The following DPYSL4 variants were observed in gnomAD, a reference collection of about 807,000 sequenced individuals.
DPYSL4 encodes the protein dihydropyrimidinase like 4.
In DPYSL4, 43 loss-of-function variants were observed where a neutral mutation model predicts 63.4. That is an observed-to-expected ratio of 0.68 (90% CI 0.53 to 0.88). DPYSL4 has a LOEUF of 0.88. DPYSL4 is among the 40% of genes least tolerant of loss of function. The probability of loss-of-function intolerance (pLI) is 0.00; values close to 1 mark genes in which losing one functional copy is unlikely to be tolerated. For missense variants in DPYSL4, 733 were observed against 819.5 expected (o/e 0.89, Z 1.29); for synonymous variants, 353 against 331.7 (o/e 1.06, Z -0.70).
chr10:132,198,307 G>C (rs2061970362), intron 6 of DPYSL4, 108 bp from the exon 7 acceptor site: 4 of 1,050,450 alleles, frequency 3.8e-6, no homozygotes, highest in Non-Finnish European at 5.5e-6. Context: ...TGGGAGGCCT[G>C]GGGGTCCAGG....
intron 1 of DPYSL4, among the ~76,000 whole-genome samples, chr10:132,187,445 C>T (rs1262037034): frequency 5.3e-5 from 8 of 151,810 alleles, no homozygotes; most frequent in Non-Finnish European, 8.8e-5. Context: ...CGGGGCCGGG[C>T]GGCCTGTCCC....
Position 132,198,399 on chromosome 10 carries a change from C to T in DPYSL4, c.622-16C>T. The stretch of plus-strand genomic sequence containing the variant: ...CCTTCAGGGCTTGGAGCGAGGCATC[C>T]TGTTGGTTTCTTTAGGAGCAGAAGC... On this transcript the variant is annotated splice_polypyrimidine_tract_variant and intron_variant, in intron 6 of 13. Transcript: ENST00000338492. The T allele has an allele frequency of 6.2e-7, 1 of 1,601,488 alleles. No individual in the cohort carries two copies.
At chr10:132,200,590 G>A (rs1481948285) in intron 9 of DPYSL4, 78 bp downstream of exon 9, 6 of 1,558,890 alleles carry the variant, frequency 3.8e-6, no homozygotes, top group African/African-American at 1.4e-5. Flanking sequence ...GACACCCCAG[G>A]CCTCTCCCAC....
At chr10:132,191,075 G>A (rs1013887001) in intron 2 of DPYSL4, among the ~76,000 whole-genome samples, 4 of 136,690 alleles carry the variant, frequency 2.9e-5, no homozygotes, top group Non-Finnish European at 6.2e-5. Flanking sequence ...CCAGGCAGGT[G>A]CAAATAGTTC....
Position 132,202,657 on chromosome 10 carries a change from C to A in DPYSL4, c.1293C>A (p.Tyr431Ter), listed in dbSNP as rs1377828310. Reference sequence around the variant, plus strand: ...GCCTCTCTCCCCAGAACGTGGAGTACAACATCTTCGAGGGAGTGGAGTGCC... The same window carrying A: ...GCCTCTCTCCCCAGAACGTGGAGTAAAACATCTTCGAGGGAGTGGAGTGCC... ...SAKTHNLNVE[Y>*]NIFEGVECRG... Residue 431 changes from tyrosine to a stop codon, truncating the protein, a stop_gained, in exon 12 of 14, where the codon TAC becomes TAA. Transcript: ENST00000338492. LOFTEE classifies it high-confidence loss of function. The A allele has an allele frequency of 6.2e-7, 1 of 1,612,642 alleles. No individual in the cohort carries two copies. Among genetic ancestry groups the A allele is most frequent in the African/African-American group, 1.3e-5 (1 of 74,940 alleles).
chr10:132,200,354 A>AG lies in DPYSL4; in HGVS notation c.814dup, dbSNP rs1565044778. ...GCACCTCTCATGGGCCTCGTGCTGC[A>AG]GGGGTGGTCGTGTTTGGGGAGCCCA... On this transcript the variant is annotated splice_acceptor_variant, in intron 8 of 13. Transcript: ENST00000338492. LOFTEE classifies it high-confidence loss of function. 2 of 1,613,094 alleles carry AG rather than the reference A, an allele frequency of 1.2e-6. No homozygotes were observed. The highest frequency in any genetic ancestry group is 1.7e-6 in the Non-Finnish European group (2 of 1,179,820).
In DPYSL4 at chr10:132,201,876, G is replaced by A. The variant is rs998102290; in HGVS notation, c.1111-70G>A. On this transcript the variant is annotated intron_variant, in intron 10 of 13. Coordinates refer to ENST00000338492, the MANE Select transcript of DPYSL4 (RefSeq NM_006426.3). ...ATCCTTGTGGGGTCCTGGTGGCCCA[G>A]TGTCTGTCCTCGCGCAAGCCTCACC... 9.2e-6 allele frequency: 14 copies of A among 1,516,554 alleles called. No individual in the cohort carries two copies. In the African/African-American group the frequency reaches 1.9e-4, roughly 21 times the overall value. 93.9% of individuals were successfully genotyped at this position (1,516,554 alleles called of 1,614,324 possible).
At position 132,204,805 on chromosome 10, in the gene DPYSL4, C is replaced by T. The variant is rs768702852; in HGVS notation, c.1628-34C>T. ...AATAGAAGGGCCCCTGCCCCTGCCT[C>T]ATTCTCCCCTGCCCATCTGTGCCCT... On this transcript the variant is annotated intron_variant, in intron 13 of 13. Transcript: ENST00000338492. The T allele has an allele frequency of 7.0e-6, 11 of 1,569,938 alleles. No homozygotes were observed. The South Asian group carries it at 1.3e-4, about 18-fold the overall frequency.
At position 132,203,938 on chromosome 10, in the gene DPYSL4, C is replaced by A; in HGVS notation, c.1627+11C>A. 6.3e-7 allele frequency: 1 copy of A among 1,588,000 alleles called. No individual in the cohort carries two copies. Among genetic ancestry groups the A allele is most frequent in the Non-Finnish European group, 8.6e-7 (1 of 1,161,072 alleles). ...GGTTCAGCCTATCTGGTGAGTTGGG[C>A]CTGGGGCACCAGTGGGGGTGAGGGG... On this transcript the variant is annotated intron_variant, in intron 13 of 13. Transcript: ENST00000338492.
intron 7 of DPYSL4, 89 bp downstream of exon 7, chr10:132,198,572 C>T (rs1486379096): frequency 1.5e-6 from 2 of 1,346,024 alleles, no homozygotes; most frequent in Admixed American, 2.1e-5. Flanking sequence ...CCCTGGGCTC[C>T]TGGCCCTGCC....
At chr10:132,202,956 GC>G (rs1487439215) in intron 12 of DPYSL4, 131 bp downstream of exon 12, 6 of 1,127,890 alleles carry the variant, frequency 5.3e-6, no homozygotes, top group Non-Finnish European at 6.1e-6. Context: ...GCCGCTGCTT[GC>G]CCAGGGCCCT....
intron 1 of DPYSL4, among the ~76,000 whole-genome samples, chr10:132,187,921 G>C (rs2061827085): frequency 6.6e-6 from 1 of 152,208 alleles, no homozygotes; most frequent in African/African-American, 2.4e-5. Flanking sequence ...GGAGTCCATG[G>C]GGTCCCAGAC....
At chr10:132,198,705 A>C in intron 7 of DPYSL4, 146 bp from the exon 8 acceptor site, 1 of 1,302,290 alleles carries the variant, frequency 7.7e-7, no homozygotes, top group Non-Finnish European at 1.0e-6. Context: ...GGGCAGGCCC[A>C]GGCACTGAGC....
At chr10:132,187,394 T>C (rs562767476) in intron 1 of DPYSL4, among the ~76,000 whole-genome samples, 70 of 148,090 alleles carry the variant, frequency 4.7e-4, no homozygotes, top group Admixed American at 1.3e-3. Flanking sequence ...TTGCCCGGCC[T>C]TGCCGGCTTC....
chr10:132,201,794 G>A, intron 10 of DPYSL4, 152 bp from the exon 11 acceptor site: 1 of 831,060 alleles, frequency 1.2e-6, no homozygotes. Context: ...GTCCAACCTT[G>A]TGGGGGGCCT....
chr10:132,203,538 C>T (rs1565047467), intron 12 of DPYSL4: 2 of 555,016 alleles, frequency 3.6e-6, no homozygotes, highest in Non-Finnish European at 6.5e-6. Flanking sequence ...CGCAGGCGGG[C>T]ATTATACACG....
At chr10:132,197,766 G>A (rs572606757) in intron 6 of DPYSL4, among the ~76,000 whole-genome samples, 1 of 152,320 alleles carries the variant, frequency 6.6e-6, no homozygotes, top group South Asian at 2.1e-4. Context: ...CAGGAAGGTG[G>A]TGGCACTCGG....
At chr10:132,187,754 CA>C (rs1207025409) in intron 1 of DPYSL4, among the ~76,000 whole-genome samples, 4 of 152,248 alleles carry the variant, frequency 2.6e-5, no homozygotes, top group Non-Finnish European at 5.9e-5. Flanking sequence ...GGAACCCTGG[CA>C]GCCCCTGAAC....
At chr10:132,190,657 T>C in intron 1 of DPYSL4, 90 bp from the exon 2 acceptor site, 1 of 1,295,248 alleles carries the variant, frequency 7.7e-7, no homozygotes, top group Non-Finnish European at 1.1e-6. Context: ...CCTGAATGTT[T>C]CAGTCATAAT....
Sources: gnomAD v4.1 joint callset for allele counts (sites outside exome capture counted in the v4.1 genomes callset) on GRCh38, gnomAD v4.1.1 for gene constraint, MANE v1.5 for transcripts, NCBI Gene and HGNC (gene_info 2026-07-23, HGNC 2026-07-21) for gene names.